Variants in GAB4 observed in about 807,000 individuals in gnomAD.
GAB4 encodes GRB2 associated binding protein family member 4, also known as GRB2-associated-binding protein 4.
A neutral mutation model predicts 51.3 loss-of-function variants in GAB4; 26 were observed. That is an observed-to-expected ratio of 0.51 (90% CI 0.37 to 0.70). The LOEUF is 0.70. Ranked by LOEUF, GAB4 falls within the 30% of genes least tolerant of loss-of-function variation. The pLI, the probability that GAB4 is intolerant of heterozygous loss-of-function variation, is 0.00. For synonymous variants in GAB4, 329 were observed against 291.2 expected (o/e 1.13, Z -1.32); for missense variants, 759 against 734.6 (o/e 1.03, Z -0.38).
At chr22:16,999,801 C>T (rs1455461807) in intron 1 of GAB4, among the ~76,000 whole-genome samples, 2 of 152,234 alleles carry the variant, frequency 1.3e-5, no homozygotes, top group African/African-American at 4.8e-5. Context: ...TCCCTCTACA[C>T]ACTGCTTTGA....
intron 3 of GAB4, among the ~76,000 whole-genome samples, chr22:16,972,566 C>T (rs942610157): frequency 1.3e-5 from 2 of 152,134 alleles, no homozygotes; most frequent in Non-Finnish European, 2.9e-5. Context: ...AGGTGTCCTG[C>T]GGTAATCTCA....
intron 1 of GAB4, 112 bp from the exon 2 acceptor site, chr22:16,992,288 T>C (rs1186278353): frequency 1.1e-6 from 1 of 930,822 alleles, no homozygotes. Flanking sequence ...TCAGCCTATG[T>C]CTCCCTTTCG....
At chr22:17,000,624 T>C (rs553843574) in intron 1 of GAB4, among the ~76,000 whole-genome samples, 11 of 152,282 alleles carry the variant, frequency 7.2e-5, no homozygotes, top group South Asian at 2.1e-4. Context: ...AATTGGAGCA[T>C]TTAGCCCATT....
At position 16,986,336 on chromosome 22, in the gene GAB4, C is replaced by T. The variant is rs9605186; in HGVS notation, c.686+1624G>A. On this transcript the variant is annotated intron_variant, in intron 3 of 9. Transcript: ENST00000400588. ...TGTGAAAGTATGAAGGGCACCAACA[C>T]GAAGCACTGTGTCTTTTACAAGAAC... Among the ~76,000 whole-genome samples, 840 of 152,300 alleles carry T rather than the reference C, an allele frequency of 5.5e-3. 8 individuals carry two copies. The highest frequency in any genetic ancestry group is 5.4e-3 in the Non-Finnish European group (364 of 68,032).
At chr22:16,994,296 A>T (rs571215874) in intron 1 of GAB4, among the ~76,000 whole-genome samples, 2 of 152,178 alleles carry the variant, frequency 1.3e-5, no homozygotes, top group Admixed American at 6.5e-5. Flanking sequence ...GGCCTCACTT[A>T]ATCTCCCAGC....
At chr22:16,990,263 T>A (rs116727598) in intron 2 of GAB4, among the ~76,000 whole-genome samples, 487 of 152,332 alleles carry the variant, frequency 3.2e-3, no homozygotes, top group African/African-American at 0.011. Context: ...GTGTTTCAAA[T>A]GGAATTCTAG....
At chr22:16,978,490 C>T (rs1229961775) in intron 3 of GAB4, among the ~76,000 whole-genome samples, 6 of 152,064 alleles carry the variant, frequency 3.9e-5, no homozygotes, top group Non-Finnish European at 2.9e-5. Context: ...AGAAGGAAGT[C>T]GAATCCCTGA....
chr22:16,962,712 C>T lies in GAB4; in HGVS notation c.*21G>A, dbSNP rs1474772745. ...GCTCTGAGGCACTGTCCTGGCCCCA[C>T]TCTGGTTTTGGTGGCCCGAGTCACA... is the stretch of plus-strand genomic sequence containing the variant. On this transcript the variant is annotated 3_prime_UTR_variant, in exon 10 of 10. Transcript: ENST00000400588. 1 of 1,604,488 alleles carries T rather than the reference C, an allele frequency of 6.2e-7. No homozygotes were observed. The highest frequency in any genetic ancestry group is 1.1e-5 in the South Asian group (1 of 90,526).
intron 1 of GAB4, among the ~76,000 whole-genome samples, chr22:16,997,031 T>C (rs1047633633): frequency 6.6e-6 from 1 of 152,168 alleles, no homozygotes; most frequent in African/African-American, 2.4e-5. Context: ...ATGGTGTATA[T>C]GTGCCACATT....
In GAB4 at chr22:16,970,019, G is replaced by C. The variant is rs768902627; in HGVS notation, c.861C>G (p.Thr287=). 6.2e-7 allele frequency: 1 copy of C among 1,614,206 alleles called. No individual in the cohort carries two copies. Among genetic ancestry groups the C allele is most frequent in the Non-Finnish European group, 8.5e-7 (1 of 1,180,024 alleles). Residue 287 remains threonine (T), a synonymous_variant, in exon 4 of 10, where the codon ACC becomes ACG. Coordinates refer to ENST00000400588, the MANE Select transcript of GAB4 (RefSeq NM_001037814.1). ...SQHNAEFRGS[T]HRIPWSLASH... is the part of the protein sequence containing the mutation. ...AGGCCAGGCTCCAGGGGATTCTGTG[G>C]GTGCTGCCTCTGAATTCTGCATTGT... is the stretch of plus-strand genomic sequence containing the variant.
At chr22:16,995,325 A>G (rs2060942579) in intron 1 of GAB4, among the ~76,000 whole-genome samples, 1 of 152,122 alleles carries the variant, frequency 6.6e-6, no homozygotes, top group African/African-American at 2.4e-5. Flanking sequence ...CATCCTCCCA[A>G]CACTTTCTTC....
At chr22:16,999,299 C>G (rs1014930096) in intron 1 of GAB4, among the ~76,000 whole-genome samples, 45 of 152,262 alleles carry the variant, frequency 3.0e-4, no homozygotes, top group Non-Finnish European at 6.5e-4. Context: ...AGGCTATTAA[C>G]TATAGCCTCA....
chr22:16,984,040 T>C (rs1408684214), intron 3 of GAB4, among the ~76,000 whole-genome samples: 2 of 152,152 alleles, frequency 1.3e-5, no homozygotes, highest in South Asian at 2.1e-4. Context: ...GGAGAAAGTA[T>C]TTTCAAACTA....
chr22:16,962,309 TC>T lies in GAB4; in HGVS notation c.*423del, dbSNP rs2060635984. 1 of 157,366 alleles carries T rather than the reference TC, an allele frequency of 6.4e-6. No homozygotes were observed. Among genetic ancestry groups the T allele is most frequent in the Non-Finnish European group, 1.4e-5 (1 of 71,726 alleles). The allele number at this position is 157,366 out of a possible 1,614,324, so 9.7% of individuals were successfully genotyped here. A position where few individuals can be genotyped will look rare whatever the true frequency, so the allele number is the denominator to read the frequency against. On this transcript the variant is annotated 3_prime_UTR_variant, in exon 10 of 10. Transcript: ENST00000400588. ...TTCCAACGTTTGATGGCCTTGCCTCTCCCCTGACCAAAAAATGCCAGGGCTG... is the reference window on the plus strand; with the variant it reads ...TTCCAACGTTTGATGGCCTTGCCTCTCCCTGACCAAAAAATGCCAGGGCTG...
intron 2 of GAB4, among the ~76,000 whole-genome samples, chr22:16,990,999 A>T (rs374226099): frequency 4.0e-5 from 6 of 151,820 alleles, no homozygotes; most frequent in East Asian, 3.9e-4. Flanking sequence ...TTGTAACATT[A>T]AAAAAAATAG....
chr22:16,962,883 G>A lies in GAB4; in HGVS notation c.1582-7C>T, dbSNP rs751344412. 25 of 1,610,498 alleles carry A rather than the reference G, an allele frequency of 1.6e-5. No homozygotes were observed. The highest frequency in any genetic ancestry group is 2.1e-5 in the Non-Finnish European group (25 of 1,177,732). On this transcript the variant is annotated splice_region_variant and splice_polypyrimidine_tract_variant and intron_variant, in intron 9 of 9. Coordinates refer to ENST00000400588, the MANE Select transcript of GAB4 (RefSeq NM_001037814.1). ...TGACAGAGCCTATGGATGGCTGAGG[G>A]ACAGAGGGTGGAAGTGGGAGTGGCA...
At chr22:16,965,118 TC>T in intron 7 of GAB4, 59 bp downstream of exon 7, 1 of 1,249,938 alleles carries the variant, frequency 8.0e-7, no homozygotes, top group East Asian at 2.4e-5. Flanking sequence ...CCAATGACCA[TC>T]CCACTCACTC....
chr22:17,000,815 C>G (rs1168917486), intron 1 of GAB4, among the ~76,000 whole-genome samples: 2 of 152,148 alleles, frequency 1.3e-5, no homozygotes, highest in Non-Finnish European at 2.9e-5. Flanking sequence ...CCTTCAGGAG[C>G]TCTTGTAAGG....
intron 2 of GAB4, among the ~76,000 whole-genome samples, chr22:16,990,940 GTGATGC>G (rs1423992117): frequency 1.3e-5 from 2 of 152,062 alleles, no homozygotes; most frequent in African/African-American, 2.4e-5. Context: ...AAGTTCCCAG[GTGATGC>G]TGATGCTGAT....
Sources: allele counts gnomAD v4.1 joint callset (sites outside exome capture counted in the v4.1 genomes callset), GRCh38; gene constraint gnomAD v4.1.1; transcripts MANE v1.5; gene names NCBI Gene and HGNC (gene_info 2026-07-23, HGNC 2026-07-21).